The following F11 variants were observed in gnomAD, a reference collection of about 807,000 sequenced individuals.
F11 encodes coagulation factor XI.
F11 carries 78 observed loss-of-function variants against 76.5 expected under a neutral mutation model. The ratio of observed to expected loss-of-function variants is 1.02; its 90% confidence interval spans 0.85 to 1.23. The LOEUF (loss-of-function observed/expected upper bound fraction) is 1.23. Ranked by LOEUF, F11 falls within the 50% of genes most tolerant of loss-of-function variation. The pLI, the probability that F11 is intolerant of heterozygous loss-of-function variation, is 0.00. For synonymous variants in F11, 278 were observed against 276.3 expected, an observed-to-expected ratio of 1.01 and a Z score of -0.06; for missense variants, 742 against 771.4, an observed-to-expected ratio of 0.96 and a Z score of 0.45.
At chr4:186,289,865 T>C (rs1741464962), downstream of F11, among the ~76,000 whole-genome samples, 3 of 152,144 alleles carry the variant, frequency 2.0e-5, no homozygotes, top group South Asian at 6.2e-4. Context: ...GTATTTTTAG[T>C]AGAGACGGGG....
intron 2 of F11, among the ~76,000 whole-genome samples, chr4:186,271,294 A>G (rs1386730075): frequency 1.3e-5 from 2 of 152,204 alleles, no homozygotes; most frequent in Non-Finnish European, 2.9e-5. Context: ...CCTGGATGAG[A>G]TCCTAAAAAG....
At chr4:186,271,243 G>C (rs1012237934) in intron 2 of F11, among the ~76,000 whole-genome samples, 28 of 152,100 alleles carry the variant, frequency 1.8e-4, no homozygotes, top group Non-Finnish European at 3.4e-4. Flanking sequence ...TGGATAAAGA[G>C]ACGCAATTAG....
chr4:186,277,972 GT>G (rs1470416130), intron 7 of F11, among the ~76,000 whole-genome samples: 1 of 151,966 alleles, frequency 6.6e-6, no homozygotes. Flanking sequence ...GCTAATGTTT[GT>G]TTTTTTGTAG....
downstream of F11, among the ~76,000 whole-genome samples, chr4:186,290,432 C>G (rs1044260421): frequency 1.3e-5 from 2 of 152,170 alleles, no homozygotes; most frequent in African/African-American, 4.8e-5. Context: ...TCAAGAGTAT[C>G]AAACAATACT....
intron 7 of F11, among the ~76,000 whole-genome samples, chr4:186,277,165 T>C (rs920235194): frequency 6.6e-6 from 1 of 152,226 alleles, no homozygotes; most frequent in South Asian, 2.1e-4. Flanking sequence ...TATTTGACTT[T>C]CTGTTTCTGA....
At chr4:186,286,902 C>T (rs1222165881) in intron 13 of F11, among the ~76,000 whole-genome samples, 2 of 152,172 alleles carry the variant, frequency 1.3e-5, no homozygotes, top group East Asian at 1.9e-4. Flanking sequence ...CTTCTTCATA[C>T]TTGTAATTAT....
intron 10 of F11, chr4:186,281,835 C>T (rs974518693): frequency 2.4e-5 from 28 of 1,183,246 alleles, no homozygotes; most frequent in South Asian, 1.6e-4. Context: ...ACCGAGAAGG[C>T]GAATCAATCC....
At position 186,289,493 on chromosome 4, in the gene F11, T is replaced by C. The variant is rs1741442080; in HGVS notation, c.*879T>C. Among the ~76,000 whole-genome samples, 1 of 152,010 alleles carries C rather than the reference T, an allele frequency of 6.6e-6. No individual in the cohort carries two copies. The highest frequency in any genetic ancestry group is 2.1e-4 in the South Asian group (1 of 4,814). The stretch of plus-strand genomic sequence containing the variant: ...ATCCATACTACAGAGAAAAAACAAT[T>C]AGGGCGCAAATGGATAGTTACAGTA... On this transcript the variant is annotated 3_prime_UTR_variant, in exon 15 of 15. Transcript: ENST00000403665.
At chr4:186,270,737 A>G (rs1318165410) in intron 2 of F11, among the ~76,000 whole-genome samples, 1 of 152,150 alleles carries the variant, frequency 6.6e-6, no homozygotes, top group Non-Finnish European at 1.5e-5. Flanking sequence ...TCTGTCGCCC[A>G]GGCTGGATTG....
At chr4:186,283,397 C>T (rs755444972) in intron 10 of F11, among the ~76,000 whole-genome samples, 2 of 152,184 alleles carry the variant, frequency 1.3e-5, no homozygotes, top group South Asian at 4.2e-4. Flanking sequence ...GTCTAGGCAG[C>T]CCCAAGAGAA....
Position 186,275,905 on chromosome 4 carries a change from C to T in F11, c.595+9C>T, listed in dbSNP as rs1238493438. The T allele has an allele frequency of 3.8e-6, 6 of 1,583,414 alleles. No individual in the cohort carries two copies. The highest frequency in any genetic ancestry group is 4.5e-5 in the East Asian group (2 of 44,610). ...TGCACTTTCTAATCTGGGTAATTAT[C>T]GACTTCTTGATGATGTAATTCAACC... is the stretch of plus-strand genomic sequence containing the variant. On this transcript the variant is annotated intron_variant, in intron 6 of 14. Coordinates refer to ENST00000403665, the MANE Select transcript of F11 (RefSeq NM_000128.4).
Position 186,275,498 on chromosome 4 carries a change from T to TA in F11, c.486-280dup, listed in dbSNP as rs112655971. On this transcript the variant is annotated intron_variant, in intron 5 of 14. Coordinates refer to ENST00000403665, the MANE Select transcript of F11 (RefSeq NM_000128.4). ...CAACAGAGTGAGACTCCGTCTCAAA[T>TA]AAAAAAAAACAAAAAATGAGAAGGG... is the stretch of plus-strand genomic sequence containing the variant. Among the ~76,000 whole-genome samples, 76,722 of 150,822 alleles carry TA rather than the reference T, an allele frequency of 0.51. 19,791 individuals carry two copies. The highest frequency in any genetic ancestry group is 0.77 in the East Asian group (3,920 of 5,062).
intron 7 of F11, among the ~76,000 whole-genome samples, chr4:186,278,000 T>C (rs1023657633): frequency 3.3e-5 from 5 of 152,138 alleles, no homozygotes; most frequent in Admixed American, 6.5e-5. Flanking sequence ...AGTTTCGCCA[T>C]GTTGGCCAGG....
At chr4:186,283,161 G>A in intron 10 of F11, 1 of 532,050 alleles carries the variant, frequency 1.9e-6, no homozygotes, top group Non-Finnish European at 2.4e-6. Flanking sequence ...CATTTTGAAA[G>A]CTACACAGGC....
chr4:186,289,694 T>G (rs1463467993), downstream of F11, among the ~76,000 whole-genome samples: 1 of 151,896 alleles, frequency 6.6e-6, no homozygotes, highest in Non-Finnish European at 1.5e-5. Context: ...TTTTTTTTTT[T>G]TTTTTTGAGA....
intron 13 of F11, 172 bp downstream of exon 13, chr4:186,286,682 A>G (rs537287729): frequency 1.0e-6 from 1 of 985,432 alleles, no homozygotes; most frequent in East Asian, 1.1e-4. Context: ...GGTGCCTCAT[A>G]TGTTTGATTG....
Position 186,280,664 on chromosome 4 carries a change from C to A in F11, c.1135+84C>A, listed in dbSNP as rs1740732108. On this transcript the variant is annotated intron_variant, in intron 10 of 14. Transcript: ENST00000403665. ...TCACAATCAAGACTGTCAGTTATAG[C>A]CACAGAAGGGAGAACATTCAGGAAA... 2.6e-6 allele frequency: 3 copies of A among 1,169,054 alleles called. No homozygotes were observed. The Admixed American group carries it at 5.7e-5, about 22-fold the overall frequency. The allele number at this position is 1,169,054 out of a possible 1,614,324, so 72.4% of individuals were successfully genotyped here. A position where few individuals can be genotyped will look rare whatever the true frequency, so the allele number is the denominator to read the frequency against.
intron 12 of F11, 197 bp downstream of exon 12, chr4:186,286,010 T>A (rs1741185357): frequency 1.5e-6 from 1 of 658,412 alleles, no homozygotes; most frequent in Admixed American, 2.4e-5. Flanking sequence ...TTTGGGAATG[T>A]GGGTAAAGAG....
At chr4:186,270,362 G>A (rs1739847347) in intron 2 of F11, among the ~76,000 whole-genome samples, 1 of 152,156 alleles carries the variant, frequency 6.6e-6, no homozygotes, top group Non-Finnish European at 1.5e-5. Flanking sequence ...TGTACTCAAC[G>A]TGTGCAGAGT....
Sources: gnomAD v4.1 joint callset for allele counts (sites outside exome capture counted in the v4.1 genomes callset) on GRCh38, gnomAD v4.1.1 for gene constraint, MANE v1.5 for transcripts, NCBI Gene and HGNC (gene_info 2026-07-23, HGNC 2026-07-21) for gene names.